TBC1D8: variants seen among roughly 807,000 people sequenced by gnomAD.
TBC1D8 encodes the protein BUB2-like protein 1.
Under a neutral mutation model 118.8 loss-of-function variants are expected in TBC1D8, and 65 were observed. The observed-to-expected ratio is 0.55, with a 90% CI of 0.45 to 0.67. The LOEUF (loss-of-function observed/expected upper bound fraction) is 0.67. TBC1D8 is among the 30% of genes least tolerant of loss of function. The probability of loss-of-function intolerance (pLI) is 0.00; values close to 1 mark genes in which losing one functional copy is unlikely to be tolerated. For synonymous variants in TBC1D8, 566 were observed against 595.8 expected (o/e 0.95, Z 0.73); for missense variants, 1,376 against 1,471.2 (o/e 0.94, Z 1.06).
At chr2:101,100,352 G>A (rs1440877351) in intron 1 of TBC1D8, among the ~76,000 whole-genome samples, 1 of 152,126 alleles carries the variant, frequency 6.6e-6, no homozygotes, top group Non-Finnish European at 1.5e-5. Context: ...ACTGCTCAAG[G>A]AAACAAGAGA....
At chr2:101,043,204 G>A (rs910325779) in intron 5 of TBC1D8, among the ~76,000 whole-genome samples, 5 of 152,296 alleles carry the variant, frequency 3.3e-5, no homozygotes, top group South Asian at 2.1e-4. Flanking sequence ...TGTTTCCACG[G>A]GCGCCTGAGC....
chr2:101,145,332 A>G (rs530246773), intron 1 of TBC1D8, among the ~76,000 whole-genome samples: 52 of 152,318 alleles, frequency 3.4e-4, no homozygotes, highest in African/African-American at 1.2e-3. Flanking sequence ...TATGATCCTA[A>G]AATCAAACTA....
chr2:101,073,516 G>T (rs933438860), intron 2 of TBC1D8, among the ~76,000 whole-genome samples: 1 of 151,932 alleles, frequency 6.6e-6, no homozygotes, highest in Non-Finnish European at 1.5e-5. Flanking sequence ...GGATGGTCTC[G>T]ATCTCCTGAC....
chr2:101,146,625 C>T (rs1156533314), intron 1 of TBC1D8, among the ~76,000 whole-genome samples: 2 of 152,108 alleles, frequency 1.3e-5, no homozygotes, highest in African/African-American at 2.4e-5. Flanking sequence ...TTATGGGATA[C>T]AATTTGATGT....
intron 16 of TBC1D8, among the ~76,000 whole-genome samples, chr2:101,022,065 C>T (rs1051343291): frequency 1.2e-4 from 19 of 152,182 alleles, no homozygotes; most frequent in African/African-American, 4.6e-4. Flanking sequence ...TGAACAGCCT[C>T]GTATGTTGAG....
chr2:101,151,069 C>A, intron 1 of TBC1D8, 58 bp downstream of exon 1: 1 of 891,178 alleles, frequency 1.1e-6, no homozygotes, highest in Non-Finnish European at 1.3e-6. Context: ...GGCCGCGGGC[C>A]CGGCGGGGTG....
At chr2:101,018,983 A>G (rs761171858) in intron 17 of TBC1D8, 11 of 1,610,992 alleles carry the variant, frequency 6.8e-6, no homozygotes, top group African/African-American at 2.7e-5. Context: ...ATCATCTGTA[A>G]TATTTCTGTG....
intron 3 of TBC1D8, 90 bp from the exon 4 acceptor site, chr2:101,054,426 G>T: frequency 7.6e-7 from 1 of 1,314,614 alleles, no homozygotes; most frequent in Non-Finnish European, 1.0e-6. Flanking sequence ...GGACTGAGGT[G>T]CACAGGCCCC....
At chr2:101,037,730 G>A (rs1681109733) in intron 7 of TBC1D8, 22 bp from the exon 8 acceptor site, 1 of 1,610,168 alleles carries the variant, frequency 6.2e-7, no homozygotes, top group African/African-American at 1.3e-5. Context: ...GAGAGACAGA[G>A]ACAGAGAGAG....
At chr2:101,096,419 C>CA (rs55824667) in intron 1 of TBC1D8, among the ~76,000 whole-genome samples, 5,065 of 43,704 alleles carry the variant, frequency 0.12, 1,328 homozygotes, top group Middle Eastern at 0.31. Context: ...TGGCTTTTGA[C>CA]AAAAAAAAAA....
chr2:101,104,678 A>G (rs1247769779), intron 1 of TBC1D8, among the ~76,000 whole-genome samples: 2 of 152,248 alleles, frequency 1.3e-5, no homozygotes. Flanking sequence ...AAAGTAATTC[A>G]AAATGGCTCA....
At chr2:101,103,453 A>G (rs1292566934) in intron 1 of TBC1D8, among the ~76,000 whole-genome samples, 1 of 147,812 alleles carries the variant, frequency 6.8e-6, no homozygotes, top group Non-Finnish European at 1.5e-5. Flanking sequence ...ATGCAGTGGC[A>G]CTATCTCGGC....
intron 5 of TBC1D8, among the ~76,000 whole-genome samples, chr2:101,046,964 T>C (rs1306397363): frequency 6.6e-6 from 1 of 151,858 alleles, no homozygotes; most frequent in Non-Finnish European, 1.5e-5. Context: ...CCAACTACCC[T>C]CCCCAAAAAA....
rs191448768 is a variant in TBC1D8 at position 101,010,463 on chromosome 2, G to T, written c.3015+466C>A. 4.6e-5 allele frequency among the ~76,000 whole-genome samples: 7 copies of T among 152,258 alleles called. No individual in the cohort carries two copies. The East Asian group carries it at 1.4e-3, about 29-fold the overall frequency. On this transcript the variant is annotated intron_variant, in intron 19 of 19. Coordinates refer to ENST00000409318, the MANE Select transcript of TBC1D8 (RefSeq NM_001330348.2). ...GCAGCCTCCTGTTTTGAAGCGATTT[G>T]AATATCTGAAGTATCTTCAGTTGAT...
chr2:101,136,031 G>T (rs374419913), intron 1 of TBC1D8, among the ~76,000 whole-genome samples: 2 of 152,014 alleles, frequency 1.3e-5, no homozygotes, highest in Non-Finnish European at 2.9e-5. Flanking sequence ...GCTAATTTTG[G>T]TATTTTTTTG....
chr2:101,008,860 A>ATCTT (rs1678956520), intron 19 of TBC1D8, among the ~76,000 whole-genome samples: 1 of 152,132 alleles, frequency 6.6e-6, no homozygotes, highest in Non-Finnish European at 1.5e-5. Context: ...ATCTGTAGGG[A>ATCTT]TCTTTAAGCT....
rs375350348 is a variant in TBC1D8 at position 101,035,998 on chromosome 2, G to C, written c.1603+20C>G. 5 of 1,612,240 alleles carry C rather than the reference G, an allele frequency of 3.1e-6. No homozygotes were observed. The highest frequency in any genetic ancestry group is 4.2e-6 in the Non-Finnish European group (5 of 1,178,716). On this transcript the variant is annotated intron_variant, in intron 9 of 19. Transcript: ENST00000409318. ...CATGACAAAAAGAACAATTAGCTTC[G>C]AGACACCAAGAGCGCTTACCTGAGA...
intron 5 of TBC1D8, among the ~76,000 whole-genome samples, chr2:101,041,771 T>A (rs1681400317): frequency 6.6e-6 from 1 of 152,108 alleles, no homozygotes; most frequent in Non-Finnish European, 1.5e-5. Flanking sequence ...ATGCCTGTAA[T>A]CTCAGCACTT....
At chr2:101,094,926 G>A (rs1210521369) in intron 1 of TBC1D8, among the ~76,000 whole-genome samples, 1 of 152,234 alleles carries the variant, frequency 6.6e-6, no homozygotes, top group African/African-American at 2.4e-5. Context: ...GAAGAATCCA[G>A]AGACAGCCAA....
Sources: gnomAD v4.1 joint callset for allele counts (sites outside exome capture counted in the v4.1 genomes callset) on GRCh38, gnomAD v4.1.1 for gene constraint, MANE v1.5 for transcripts, NCBI Gene and HGNC (gene_info 2026-07-23, HGNC 2026-07-21) for gene names.